The following EYS variants were observed in gnomAD, a reference collection of about 807,000 sequenced individuals.
EYS encodes the protein protein eyes shut homolog.
Under a neutral mutation model 282.1 loss-of-function variants are expected in EYS, and 250 were observed. The observed-to-expected ratio is 0.89, with a 90% CI of 0.80 to 0.98. EYS has a LOEUF of 0.98. Ranked by LOEUF, EYS falls within the 50% of genes least tolerant of loss-of-function variation. EYS has a pLI of 0.00. For synonymous variants in EYS, 1,355 were observed against 1,282.9 expected (o/e 1.06, Z -1.20); for missense variants, 4,016 against 3,709.0 (o/e 1.08, Z -2.15).
chr6:64,940,209 C>A (rs1254671329), intron 15 of EYS, among the ~76,000 whole-genome samples: 1 of 151,978 alleles, frequency 6.6e-6, no homozygotes, highest in Non-Finnish European at 1.5e-5. Flanking sequence ...ATTTAGATAT[C>A]CCTGTGGATC....
At chr6:63,884,724 C>G (rs1773222014) in intron 35 of EYS, among the ~76,000 whole-genome samples, 1 of 151,718 alleles carries the variant, frequency 6.6e-6, no homozygotes, top group East Asian at 1.9e-4. Flanking sequence ...TAAGGAATAC[C>G]TTGATCATAT....
intron 12 of EYS, among the ~76,000 whole-genome samples, chr6:65,058,254 A>C (rs1393728383): frequency 6.6e-6 from 1 of 151,950 alleles, no homozygotes; most frequent in Non-Finnish European, 1.5e-5. Context: ...GGGTTCAAGA[A>C]ATTATCCAGT....
intron 29 of EYS, among the ~76,000 whole-genome samples, chr6:64,364,193 C>T (rs1020978207): frequency 9.2e-5 from 14 of 151,834 alleles, no homozygotes; most frequent in African/African-American, 3.4e-4. Context: ...AAAAATTCTC[C>T]ATAAAGACCA....
chr6:64,617,370 C>A, intron 24 of EYS, 48 bp downstream of exon 24: 1 of 1,219,992 alleles, frequency 8.2e-7, no homozygotes, highest in South Asian at 1.3e-5. Context: ...TACTGTGTAT[C>A]AAAGAGAATA....
chr6:65,375,645 A>G (rs576806703), intron 8 of EYS, among the ~76,000 whole-genome samples: 4 of 152,164 alleles, frequency 2.6e-5, no homozygotes, highest in African/African-American at 9.6e-5. Flanking sequence ...AGGATACAGG[A>G]ATTGCTAACT....
At chr6:63,742,834 G>T (rs1412786653) in intron 41 of EYS, among the ~76,000 whole-genome samples, 1 of 152,134 alleles carries the variant, frequency 6.6e-6, no homozygotes, top group African/African-American at 2.4e-5. Flanking sequence ...AGTATTCCAT[G>T]GGACAATTCT....
At chr6:64,652,911 A>T (rs1251282389) in intron 22 of EYS, among the ~76,000 whole-genome samples, 1 of 152,180 alleles carries the variant, frequency 6.6e-6, no homozygotes, top group Non-Finnish European at 1.5e-5. Flanking sequence ...TGTGCATTTT[A>T]CATACATTCG....
intron 22 of EYS, among the ~76,000 whole-genome samples, chr6:64,740,011 A>T (rs1220894221): frequency 6.6e-6 from 1 of 152,152 alleles, no homozygotes; most frequent in Non-Finnish European, 1.5e-5. Context: ...AAAAAATCAA[A>T]CCAATCAAAA....
chr6:64,843,963 T>C (rs1346891484), intron 19 of EYS, among the ~76,000 whole-genome samples: 1 of 152,124 alleles, frequency 6.6e-6, no homozygotes, highest in Non-Finnish European at 1.5e-5. Context: ...ACTATTCTTG[T>C]GGTAGTGAAT....
At chr6:65,339,735 C>T (rs1770128821) in intron 10 of EYS, among the ~76,000 whole-genome samples, 1 of 151,088 alleles carries the variant, frequency 6.6e-6, no homozygotes, top group African/African-American at 2.4e-5. Context: ...AAAGATTTTG[C>T]TCTGTGAGTA....
At chr6:64,187,809 G>T (rs1260373489) in intron 31 of EYS, among the ~76,000 whole-genome samples, 1 of 151,756 alleles carries the variant, frequency 6.6e-6, no homozygotes, top group East Asian at 1.9e-4. Flanking sequence ...AACTCCTTAT[G>T]AGAAAGTAAT....
intron 12 of EYS, among the ~76,000 whole-genome samples, chr6:65,160,119 GTTTGT>G (rs1764818870): frequency 6.7e-6 from 1 of 150,218 alleles, no homozygotes; most frequent in Non-Finnish European, 1.5e-5. Context: ...CGTTTTTTTT[GTTTGT>G]TTTCTTTTGT....
At chr6:65,169,340 T>C (rs1392417876) in intron 12 of EYS, among the ~76,000 whole-genome samples, 1 of 151,502 alleles carries the variant, frequency 6.6e-6, no homozygotes, top group Non-Finnish European at 1.5e-5. Context: ...TTGTGCAAGA[T>C]AACACAAGCA....
chr6:65,167,145 T>C lies in EYS; in HGVS notation c.2024-109418A>G, dbSNP rs913725080. On this transcript the variant is annotated intron_variant, in intron 12 of 42. Coordinates refer to ENST00000503581, the MANE Select transcript of EYS (RefSeq NM_001142800.2). Reference sequence around the variant, plus strand: ...CACACTTTGGCAGTCCTTCACAATGTTTAACATAGAGGTATCATACAGCAT... The same window carrying C: ...CACACTTTGGCAGTCCTTCACAATGCTTAACATAGAGGTATCATACAGCAT... Among the ~76,000 whole-genome samples, 4 of 151,186 alleles carry C rather than the reference T, an allele frequency of 2.6e-5. 1 individual carries two copies. Among genetic ancestry groups the C allele is most frequent in the Admixed American group, 6.6e-5 (1 of 15,114 alleles).
chr6:65,618,709 C>A (rs1766327703), intron 2 of EYS, among the ~76,000 whole-genome samples: 1 of 152,152 alleles, frequency 6.6e-6, no homozygotes, highest in Non-Finnish European at 1.5e-5. Context: ...AGTCTTTAAT[C>A]CATCTTGAAT....
At position 64,124,866 on chromosome 6, in the gene EYS, T is replaced by C. The variant is rs1482582267; in HGVS notation, c.6425-42864A>G. 2.6e-5 allele frequency among the ~76,000 whole-genome samples: 4 copies of C among 151,960 alleles called. 1 individual carries two copies. In the South Asian group the frequency reaches 6.2e-4, roughly 24 times the overall value. ...GGACAGAGGAAATGAGAGAAGAAGATGTGCAAAGAGCGATAAAGCTGATTT... is the reference window on the plus strand; with the variant it reads ...GGACAGAGGAAATGAGAGAAGAAGACGTGCAAAGAGCGATAAAGCTGATTT... On this transcript the variant is annotated intron_variant, in intron 31 of 42. Coordinates refer to ENST00000503581, the MANE Select transcript of EYS (RefSeq NM_001142800.2).
intron 12 of EYS, among the ~76,000 whole-genome samples, chr6:65,207,603 C>T (rs1246747074): frequency 6.6e-6 from 1 of 151,776 alleles, no homozygotes; most frequent in South Asian, 2.1e-4. Context: ...AAGCCGGAGA[C>T]ATCACATTAC....
chr6:64,296,598 A>ATTTTTT (rs1173183488), intron 30 of EYS, among the ~76,000 whole-genome samples: 1 of 20,130 alleles, frequency 5.0e-5, no homozygotes, highest in African/African-American at 1.6e-4. Context: ...ATATATATAT[A>ATTTTTT]TTTTTTTTTT....
chr6:65,464,684 A>G (rs1047215335), intron 5 of EYS, among the ~76,000 whole-genome samples: 5 of 152,136 alleles, frequency 3.3e-5, no homozygotes, highest in Non-Finnish European at 7.4e-5. Flanking sequence ...CAGCAACTCC[A>G]TATGATACTC....
Sources: allele counts gnomAD v4.1 joint callset (sites outside exome capture counted in the v4.1 genomes callset), GRCh38; gene constraint gnomAD v4.1.1; transcripts MANE v1.5; gene names NCBI Gene and HGNC (gene_info 2026-07-23, HGNC 2026-07-21).